Variants in RBMS3 observed in about 807,000 individuals in gnomAD.
The protein encoded by RBMS3 is RNA-binding motif, single-stranded-interacting protein 3.
A neutral mutation model predicts 66.8 loss-of-function variants in RBMS3; 27 were observed. That is an observed-to-expected ratio of 0.40 (90% CI 0.30 to 0.56). The LOEUF is 0.56. Among genes scored for constraint, RBMS3 ranks in the 20% least tolerant of loss-of-function variants. The pLI, the probability that RBMS3 is intolerant of heterozygous loss-of-function variation, is 0.40. For synonymous variants in RBMS3, 188 were observed against 183.0 expected (o/e 1.03, Z -0.22); for missense variants, 513 against 549.5 (o/e 0.93, Z 0.66).
chr3:29,723,798 G>GA (rs944426874), intron 4 of RBMS3, among the ~76,000 whole-genome samples: 13 of 151,750 alleles, frequency 8.6e-5, no homozygotes, highest in South Asian at 2.1e-4. Flanking sequence ...CTAAAGATGA[G>GA]AAAAAAAACT....
At chr3:29,929,668 G>GA (rs1003660016) in intron 10 of RBMS3, among the ~76,000 whole-genome samples, 2 of 151,854 alleles carry the variant, frequency 1.3e-5, no homozygotes, top group Non-Finnish European at 2.9e-5. Flanking sequence ...AGAGTACAAG[G>GA]AAAAAAATGC....
chr3:29,441,770 C>G (rs1010186295), intron 2 of RBMS3, among the ~76,000 whole-genome samples: 1 of 152,102 alleles, frequency 6.6e-6, no homozygotes, highest in Non-Finnish European at 1.5e-5. Context: ...TCAGATAATT[C>G]TAGTATGTAG....
In RBMS3 at chr3:29,991,201, A is replaced by G. The variant is rs1214121193; in HGVS notation, c.1299A>G (p.Gln433=). The G allele has an allele frequency of 1.9e-6, 3 of 1,614,020 alleles. No homozygotes were observed. The highest frequency in any genetic ancestry group is 1.1e-5 in the South Asian group (1 of 91,076). The change falls in exon 14 of 15, where the codon CAA becomes CAG. Residue 433 remains glutamine (Q), a synonymous_variant. Transcript: ENST00000383767. ...AACATGCACCTGCATATTCTTACCA[A>G]CAGTCTAAGTAAGTCTGGGCTGTGC... ...SNEHAPAYSY[Q]QSKP
chr3:29,674,087 G>T (rs1037763185), intron 4 of RBMS3, among the ~76,000 whole-genome samples: 2 of 152,276 alleles, frequency 1.3e-5, no homozygotes, highest in East Asian at 3.9e-4. Context: ...TGGGATGTGA[G>T]GCTGGTTCAA....
chr3:29,837,209 A>G (rs1301107923), intron 6 of RBMS3, among the ~76,000 whole-genome samples: 1 of 151,796 alleles, frequency 6.6e-6, no homozygotes. Context: ...AACCATAATG[A>G]GTATGAGTCT....
At chr3:29,931,239 T>C (rs944860672) in intron 10 of RBMS3, among the ~76,000 whole-genome samples, 1 of 152,188 alleles carries the variant, frequency 6.6e-6, no homozygotes, top group Non-Finnish European at 1.5e-5. Context: ...TTTATAGAGA[T>C]TACAAAAGTT....
intron 1 of RBMS3, among the ~76,000 whole-genome samples, chr3:29,369,487 AACACACACACACACACACACACACAC>A (rs59274434): frequency 7.4e-6 from 1 of 135,270 alleles, no homozygotes; most frequent in Non-Finnish European, 1.6e-5. Context: ...ATCACTCCTT[AACACACACACACACACACACACACAC>A]ACACACACAC....
At chr3:29,529,696 G>A (rs1008856251) in intron 3 of RBMS3, among the ~76,000 whole-genome samples, 4 of 152,126 alleles carry the variant, frequency 2.6e-5, no homozygotes, top group Non-Finnish European at 5.9e-5. Context: ...GAGTGTTTTG[G>A]TGAGGTCTAA....
chr3:29,739,699 T>C (rs1224947120), intron 4 of RBMS3, 21 bp from the exon 5 acceptor site: 6 of 1,560,262 alleles, frequency 3.8e-6, no homozygotes, highest in Admixed American at 4.0e-5. Context: ...CTTACCATAT[T>C]TGTTACTTTC....
chr3:29,824,118 C>T (rs2058142555), intron 6 of RBMS3, among the ~76,000 whole-genome samples: 2 of 151,594 alleles, frequency 1.3e-5, no homozygotes, highest in South Asian at 4.2e-4. Context: ...CCCCCACCCC[C>T]ACCCCACCCC....
chr3:29,859,030 C>T (rs2059147808), intron 6 of RBMS3, among the ~76,000 whole-genome samples: 1 of 152,194 alleles, frequency 6.6e-6, no homozygotes, highest in African/African-American at 2.4e-5. Context: ...TAATCCATTA[C>T]TGAGGGATAA....
chr3:29,947,159 A>C (rs1466349742), intron 12 of RBMS3, among the ~76,000 whole-genome samples: 1 of 151,574 alleles, frequency 6.6e-6, no homozygotes, highest in Non-Finnish European at 1.5e-5. Flanking sequence ...AAATACTTGG[A>C]TTTAAGATTT....
chr3:29,717,619 T>C (rs1249542573), intron 4 of RBMS3, among the ~76,000 whole-genome samples: 1 of 152,178 alleles, frequency 6.6e-6, no homozygotes, highest in East Asian at 1.9e-4. Flanking sequence ...AACGTTTTTG[T>C]AGAAGGACAA....
chr3:29,621,226 A>G (rs2048855353), intron 4 of RBMS3, among the ~76,000 whole-genome samples: 1 of 151,968 alleles, frequency 6.6e-6, no homozygotes, highest in Non-Finnish European at 1.5e-5. Context: ...AGACAGCATA[A>G]TAATTCTATG....
At chr3:29,594,001 C>A (rs2047858184) in intron 4 of RBMS3, among the ~76,000 whole-genome samples, 1 of 152,034 alleles carries the variant, frequency 6.6e-6, no homozygotes, top group Non-Finnish European at 1.5e-5. Flanking sequence ...TCAGGAAAAG[C>A]CTTTCTAATC....
At chr3:29,939,275 A>G (rs1209158700) in intron 11 of RBMS3, among the ~76,000 whole-genome samples, 2 of 152,016 alleles carry the variant, frequency 1.3e-5, no homozygotes, top group Non-Finnish European at 2.9e-5. Context: ...ATTTGCCTAT[A>G]TCATAAACAT....
At chr3:29,712,599 C>A (rs1487655094) in intron 4 of RBMS3, among the ~76,000 whole-genome samples, 1 of 152,110 alleles carries the variant, frequency 6.6e-6, no homozygotes, top group African/African-American at 2.4e-5. Flanking sequence ...AGGCAGAAGC[C>A]ACTATGCCCT....
chr3:29,417,227 C>T (rs986668925), intron 1 of RBMS3, among the ~76,000 whole-genome samples: 5 of 151,790 alleles, frequency 3.3e-5, no homozygotes, highest in African/African-American at 1.2e-4. Context: ...TTATTCTAAA[C>T]AAATATTCAT....
At chr3:29,915,219 G>A (rs560011589) in intron 10 of RBMS3, among the ~76,000 whole-genome samples, 1 of 151,650 alleles carries the variant, frequency 6.6e-6, no homozygotes, top group Non-Finnish European at 1.5e-5. Flanking sequence ...GGCTTTGCTG[G>A]ATAATCCCAT....
Sources: gnomAD v4.1 joint callset for allele counts (sites outside exome capture counted in the v4.1 genomes callset) on GRCh38, gnomAD v4.1.1 for gene constraint, MANE v1.5 for transcripts, NCBI Gene and HGNC (gene_info 2026-07-23, HGNC 2026-07-21) for gene names.